The following SRCIN1 variants were observed in gnomAD, a reference collection of about 807,000 sequenced individuals.
SRCIN1 encodes P130Cas-associated protein.
SRCIN1 carries 50 observed loss-of-function variants against 116.2 expected under a neutral mutation model. That is an observed-to-expected ratio of 0.43 (90% confidence interval 0.34 to 0.54). The LOEUF is 0.54. Ranked by LOEUF, SRCIN1 falls within the 20% of genes least tolerant of loss-of-function variation. The pLI is 0.02. For synonymous variants in SRCIN1, 736 were observed against 750.0 expected (o/e 0.98, Z 0.30); for missense variants, 1,446 against 1,672.0 (o/e 0.86, Z 2.36).
In SRCIN1 at chr17:38,552,444, G is replaced by A. The variant is rs1905490717; in HGVS notation, c.2480+3C>T. 1 of 1,599,268 alleles carries A rather than the reference G, an allele frequency of 6.3e-7. No homozygotes were observed. The highest frequency in any genetic ancestry group is 2.3e-5 in the East Asian group (1 of 44,208). On this transcript the variant is annotated splice_donor_region_variant and intron_variant, in intron 13 of 18. Coordinates refer to ENST00000617146, the MANE Select transcript of SRCIN1 (RefSeq NM_025248.3). The surrounding 1 kb of genome is among the most constrained non-coding windows in gnomAD (Gnocchi z 5.3). ...GGAAATCAGAGGTCAGGGACAGAAT[G>A]ACCTTCGGATCTGGGCCAGCGTGTC...
chr17:38,595,053 A>C (rs1908649358), intron 1 of SRCIN1, among the ~76,000 whole-genome samples: 1 of 152,200 alleles, frequency 6.6e-6, no homozygotes, highest in Non-Finnish European at 1.5e-5. Flanking sequence ...GAACAGGGGC[A>C]GATAGACAGA....
At chr17:38,596,618 G>A (rs1283132947) in intron 1 of SRCIN1, among the ~76,000 whole-genome samples, 1 of 152,004 alleles carries the variant, frequency 6.6e-6, no homozygotes, top group African/African-American at 2.4e-5. Flanking sequence ...ATGGGTTCAG[G>A]GTCAGAGAGG....
chr17:38,544,030 C>T lies in SRCIN1; in HGVS notation c.3271-61G>A. On this transcript the variant is annotated intron_variant, in intron 17 of 18. Transcript: ENST00000617146. This position sits in a 1 kb window ranked among gnomAD's most constrained non-coding sequence, Gnocchi z 4.5. ...CCACATGGGGTGAATCACACAGGAA[C>T]CCTAGCACTGGGTGGGGTCTCGGGG... is the stretch of plus-strand genomic sequence containing the variant. The T allele has an allele frequency of 2.0e-6, 3 of 1,502,328 alleles. No individual in the cohort carries two copies. The highest frequency in any genetic ancestry group is 2.5e-5 in the South Asian group (2 of 79,542). The allele number at this position is 1,502,328 out of a possible 1,614,324, so 93.1% of individuals were successfully genotyped here.
rs893700123 is a variant in SRCIN1, at chr17:38,549,128, G to T, written c.3045C>A (p.Ser1015=). The change falls in exon 16 of 19, where the codon TCC becomes TCA. Residue 1015 remains serine (S), a synonymous_variant. Transcript: ENST00000617146. ...TACGTGTGGTGGTCAGGCCATGGGA[G>T]GAGGGGAAGCTCCGGCGGGGAGGGG... ...PPPPPRRSFP[S]SHGLTTTRTG... 2 of 1,606,204 alleles carry T rather than the reference G, an allele frequency of 1.2e-6. No homozygotes were observed. The highest frequency in any genetic ancestry group is 2.7e-5 in the African/African-American group (2 of 74,614).
At chr17:38,581,439 A>C (rs1907805266) in intron 1 of SRCIN1, among the ~76,000 whole-genome samples, 1 of 149,854 alleles carries the variant, frequency 6.7e-6, no homozygotes, top group South Asian at 2.1e-4. Flanking sequence ...AAAAGAAAAA[A>C]AAAAGTGTGA....
At chr17:38,540,781 C>T (rs1485157406) in intron 18 of SRCIN1, among the ~76,000 whole-genome samples, 3 of 149,786 alleles carry the variant, frequency 2.0e-5, no homozygotes, top group Non-Finnish European at 4.4e-5. Context: ...GTGACACACA[C>T]AGAGACAATC....
rs9901664 is a variant in SRCIN1, at chr17:38,533,113, C to A, written c.*184G>T. The A allele has an allele frequency of 0.13, 42,433 of 314,586 alleles. 2,414 individuals are homozygous for A. Among genetic ancestry groups the A allele is most frequent in the South Asian group, 0.21 (1,389 of 6,570 alleles). The allele number at this position is 314,586 out of a possible 1,614,324, so 19.5% of individuals were successfully genotyped here. The stretch of plus-strand genomic sequence containing the variant: ...TAATTGTTAAAAAAAAAAAAAAAAA[C>A]AAAACCAAAAACACCAACAGATGAT... On this transcript the variant is annotated 3_prime_UTR_variant, in exon 19 of 19. Transcript: ENST00000617146.
rs114629116 is a variant in SRCIN1, at chr17:38,568,371, A to G, written c.325-140T>C. On this transcript the variant is annotated intron_variant, in intron 2 of 18. Transcript: ENST00000617146. This position sits in a 1 kb window ranked among gnomAD's most constrained non-coding sequence, Gnocchi z 4.5. ...CTCCACCCTCCCAGGAGCAGGAATG[A>G]AGTCATGCCTGGTACATCCATTCTC... The G allele has an allele frequency of 5.5e-3, 4,415 of 797,308 alleles. 150 individuals carry two copies. The African/African-American group carries it at 0.064, about 12-fold the overall frequency. 49.4% of individuals were successfully genotyped at this position (797,308 alleles called of 1,614,324 possible).
At position 38,562,604 on chromosome 17, in the gene SRCIN1, G is replaced by C. The variant is rs1906348005; in HGVS notation, c.834+223C>G. On this transcript the variant is annotated intron_variant, in intron 6 of 18. Transcript: ENST00000617146. This position sits in a 1 kb window ranked among gnomAD's most constrained non-coding sequence, Gnocchi z 4.2. ...GAAGGGGTGGCTCCGGCTCCTGAGA[G>C]AGGGCTTAGAATATCTGGAGGCAAG... 6.6e-6 allele frequency among the ~76,000 whole-genome samples: 1 copy of C among 152,216 alleles called. No homozygotes were observed. The highest frequency in any genetic ancestry group is 1.5e-5 in the Non-Finnish European group (1 of 68,028).
intron 18 of SRCIN1, among the ~76,000 whole-genome samples, chr17:38,539,245 A>G (rs1386830352): frequency 2.0e-5 from 3 of 152,088 alleles, no homozygotes; most frequent in Non-Finnish European, 4.4e-5. Context: ...TCTGTCTTTC[A>G]CTTGCCTCTC....
chr17:38,584,068 C>T (rs760942297), intron 1 of SRCIN1, among the ~76,000 whole-genome samples: 3 of 152,160 alleles, frequency 2.0e-5, no homozygotes, highest in South Asian at 4.1e-4. Context: ...CAGATCAATG[C>T]GTCCTGTTCC....
intron 11 of SRCIN1, among the ~76,000 whole-genome samples, chr17:38,557,819 G>C (rs565518215): frequency 3.3e-4 from 51 of 152,306 alleles, no homozygotes; most frequent in African/African-American, 1.2e-3. Context: ...CGCCAGGCTG[G>C]AGCAGTGACG....
intron 15 of SRCIN1, among the ~76,000 whole-genome samples, chr17:38,550,103 G>A (rs1389429243): frequency 6.6e-6 from 1 of 152,200 alleles, no homozygotes; most frequent in East Asian, 1.9e-4. Flanking sequence ...TACATACTAG[G>A]CATGGTCCGG....
chr17:38,553,002 C>T, intron 11 of SRCIN1, 147 bp from the exon 12 acceptor site: 4 of 1,315,320 alleles, frequency 3.0e-6, no homozygotes, highest in Non-Finnish European at 4.1e-6. Flanking sequence ...CGCCCGTAAT[C>T]TCAGTACTTT....
At chr17:38,600,561 G>C (rs993567095) in intron 1 of SRCIN1, among the ~76,000 whole-genome samples, 11 of 152,218 alleles carry the variant, frequency 7.2e-5, no homozygotes, top group East Asian at 1.9e-4. Flanking sequence ...AAAGCAGGCA[G>C]GGGCACAAGG....
intron 1 of SRCIN1, among the ~76,000 whole-genome samples, chr17:38,583,851 C>T (rs1468355724): frequency 6.6e-6 from 1 of 152,148 alleles, no homozygotes; most frequent in South Asian, 2.1e-4. Context: ...CCGCGCCAGG[C>T]CAAAGTAGGT....
rs780760880 is a variant in SRCIN1 at position 38,564,359 on chromosome 17, CCCT to C, written c.346-49_346-47del. On this transcript the variant is annotated intron_variant, in intron 3 of 18. Transcript: ENST00000617146. The stretch of plus-strand genomic sequence containing the variant: ...GAGAGGAACCAAGGATGAGCACCCC[CCCT>C]CCCCTTTGCTTGTCACTGCCCATAT... 4.7e-3 allele frequency: 6,268 copies of C among 1,336,060 alleles called. 18 individuals are homozygous for C. Among genetic ancestry groups the C allele is most frequent in the African/African-American group, 0.011 (602 of 56,872 alleles). The allele number at this position is 1,336,060 out of a possible 1,614,324, so 82.8% of individuals were successfully genotyped here.
chr17:38,562,798 C>T lies in SRCIN1; in HGVS notation c.834+29G>A, dbSNP rs751535863. The T allele has an allele frequency of 8.7e-6, 14 of 1,600,990 alleles. No individual in the cohort carries two copies. In the South Asian group the frequency reaches 1.4e-4, roughly 16 times the overall value. ...CCCTGGACCCCATGTGCCCAGCCTCCCCAATGCCCTGGGCATGCCCAGCCA... is the reference window on the plus strand; with the variant it reads ...CCCTGGACCCCATGTGCCCAGCCTCTCCAATGCCCTGGGCATGCCCAGCCA... On this transcript the variant is annotated intron_variant, in intron 6 of 18. Coordinates refer to ENST00000617146, the MANE Select transcript of SRCIN1 (RefSeq NM_025248.3). The surrounding 1 kb of genome is among the most constrained non-coding windows in gnomAD (Gnocchi z 4.2).
rs1158215320 is a variant in SRCIN1 at position 38,562,092 on chromosome 17, G to T, written c.1071C>A (p.Ala357=). ...TGGGGCTGGGGCTGACGCCCTGGGC[G>T]GCCGGGGCGCCTCCCAGCCTCTCGG... ...HAAERLGGAP[A]AQGVSPSPSA... Residue 357 remains alanine (A), a synonymous_variant, in exon 7 of 19, where the codon GCC becomes GCA. Coordinates refer to ENST00000617146, the MANE Select transcript of SRCIN1 (RefSeq NM_025248.3). The surrounding 1 kb of genome is among the most constrained non-coding windows in gnomAD (Gnocchi z 4.2). 6.9e-7 allele frequency: 1 copy of T among 1,439,802 alleles called. No individual in the cohort carries two copies. The highest frequency in any genetic ancestry group is 1.4e-5 in the South Asian group (1 of 72,522). 89.2% of individuals were successfully genotyped at this position (1,439,802 alleles called of 1,614,324 possible).
Sources: allele counts gnomAD v4.1 joint callset (sites outside exome capture counted in the v4.1 genomes callset), GRCh38; gene constraint gnomAD v4.1.1; non-coding constraint Gnocchi (gnomAD v3.1); transcripts MANE v1.5; gene names NCBI Gene and HGNC (gene_info 2026-07-23, HGNC 2026-07-21).